RFX7: variants seen among roughly 807,000 people sequenced by gnomAD.
RFX7 encodes DNA-binding protein RFX7.
In RFX7, 26 loss-of-function variants were observed where a neutral mutation model predicts 111.8. That is an observed-to-expected ratio of 0.23 (90% CI 0.17 to 0.32). The LOEUF is 0.32. Among genes scored for constraint, RFX7 ranks in the 10% least tolerant of loss-of-function variants. The probability of loss-of-function intolerance (pLI) is 1.00; values close to 1 mark genes in which losing one functional copy is unlikely to be tolerated. For synonymous variants in RFX7, 624 were observed against 624.4 expected (o/e 1.00, Z 0.01); for missense variants, 1,573 against 1,772.9 (o/e 0.89, Z 2.02).
intron 3 of RFX7, among the ~76,000 whole-genome samples, chr15:56,167,270 G>A (rs1439253049): frequency 6.6e-6 from 1 of 152,100 alleles, no homozygotes; most frequent in Admixed American, 6.6e-5. Flanking sequence ...CTATGATCAT[G>A]GCACTGCACT....
Position 56,199,207 on chromosome 15 carries a change from G to A in RFX7, c.162-19904C>T, listed in dbSNP as rs1352907595. Among the ~76,000 whole-genome samples, 3 of 152,156 alleles carry A rather than the reference G, an allele frequency of 2.0e-5. No homozygotes were observed. In the East Asian group the frequency reaches 5.8e-4, roughly 29 times the overall value. On this transcript the variant is annotated intron_variant, in intron 2 of 9. Coordinates refer to ENST00000559447, the MANE Select transcript of RFX7 (RefSeq NM_022841.7). ...AACCACTATAACCAGTCTACTGAGT[G>A]ACTGTTAATCAGTATTTACTTAAGT...
chr15:56,167,317 A>G (rs1157180041), intron 3 of RFX7, among the ~76,000 whole-genome samples: 1 of 151,586 alleles, frequency 6.6e-6, no homozygotes, highest in East Asian at 1.9e-4. Flanking sequence ...TGTCTCAAGG[A>G]AAAAAAAAGT....
intron 2 of RFX7, among the ~76,000 whole-genome samples, chr15:56,218,669 C>G (rs967033419): frequency 6.6e-6 from 1 of 152,078 alleles, no homozygotes; most frequent in African/African-American, 2.4e-5. Flanking sequence ...GCATGTGTAG[C>G]GAGCAACAAA....
rs2043741077 is a variant in RFX7, at chr15:56,243,457, G to A, written c.-15C>T. The A allele has an allele frequency of 3.0e-6, 3 of 984,826 alleles. No individual in the cohort carries two copies. In the South Asian group the frequency reaches 1.4e-4, roughly 46 times the overall value. The allele number at this position is 984,826 out of a possible 1,614,324, so 61.0% of individuals were successfully genotyped here. A position where few individuals can be genotyped will look rare whatever the true frequency, so the allele number is the denominator to read the frequency against. On this transcript the variant is annotated 5_prime_UTR_variant, in exon 1 of 10. Coordinates refer to ENST00000559447, the MANE Select transcript of RFX7 (RefSeq NM_022841.7). ...GCTAGGCCTTTACCCCAGGGCTCGAGTGAGTCGCTTTCGCCTGCCGCCTGG... is the reference window on the plus strand; with the variant it reads ...GCTAGGCCTTTACCCCAGGGCTCGAATGAGTCGCTTTCGCCTGCCGCCTGG...
intron 5 of RFX7, among the ~76,000 whole-genome samples, chr15:56,134,564 C>G (rs1294074550): frequency 6.7e-6 from 1 of 150,012 alleles, no homozygotes; most frequent in African/African-American, 2.5e-5. Flanking sequence ...CTACTACTGC[C>G]TTTTTAAATT....
chr15:56,196,469 T>C lies in RFX7; in HGVS notation c.162-17166A>G, dbSNP rs182190515. ...CTTTTTTTTAAAAAAATTTACTTAA[T>C]AGGCATTAGAAGTTTATCTATTTTG... On this transcript the variant is annotated intron_variant, in intron 2 of 9. Coordinates refer to ENST00000559447, the MANE Select transcript of RFX7 (RefSeq NM_022841.7). Among the ~76,000 whole-genome samples the C allele has an allele frequency of 2.1e-3, 326 of 152,264 alleles. 2 individuals are homozygous for C. The highest frequency in any genetic ancestry group is 6.9e-3 in the African/African-American group (286 of 41,520).
At position 56,154,338 on chromosome 15, in the gene RFX7, G is replaced by A. The variant is rs142376861; in HGVS notation, c.196-9855C>T. Among the ~76,000 whole-genome samples the A allele has an allele frequency of 2.2e-4, 33 of 152,066 alleles. No homozygotes were observed. The East Asian group carries it at 6.0e-3, about 28-fold the overall frequency. Reference sequence around the variant, plus strand: ...CGCATAGCCAAGACAATCCGGGGCAGGAAAAACAAAGCTGGAGGCATCATG... The same window carrying A: ...CGCATAGCCAAGACAATCCGGGGCAAGAAAAACAAAGCTGGAGGCATCATG... On this transcript the variant is annotated intron_variant, in intron 3 of 9. Coordinates refer to ENST00000559447, the MANE Select transcript of RFX7 (RefSeq NM_022841.7).
At chr15:56,164,053 G>A (rs935882721) in intron 3 of RFX7, among the ~76,000 whole-genome samples, 2 of 152,332 alleles carry the variant, frequency 1.3e-5, no homozygotes, top group Admixed American at 6.5e-5. Flanking sequence ...ATTAAAGAGT[G>A]CATGTCATGT....
At chr15:56,201,748 T>C (rs1405159924) in intron 2 of RFX7, among the ~76,000 whole-genome samples, 1 of 152,070 alleles carries the variant, frequency 6.6e-6, no homozygotes, top group African/African-American at 2.4e-5. Flanking sequence ...TAAAAAACAC[T>C]GGCCGGGCGT....
intron 2 of RFX7, among the ~76,000 whole-genome samples, chr15:56,207,350 T>C (rs1284245969): frequency 6.6e-6 from 1 of 152,160 alleles, no homozygotes; most frequent in African/African-American, 2.4e-5. Context: ...TGTGGATGGC[T>C]AGTGTTGATG....
rs571456764 is a variant in RFX7, at chr15:56,243,785, A to ACGC, written c.-346_-344dup. On this transcript the variant is annotated 5_prime_UTR_variant, in exon 1 of 10. Coordinates refer to ENST00000559447, the MANE Select transcript of RFX7 (RefSeq NM_022841.7). ...CAGGCACCGCTCCACGCCACTCCCC[A>ACGC]CGCCGCCGCCGCCGCCGCCGCTCGC... Among the ~76,000 whole-genome samples, 159 of 147,472 alleles carry ACGC rather than the reference A, an allele frequency of 1.1e-3. 1 individual carries two copies. The highest frequency in any genetic ancestry group is 7.4e-3 in the South Asian group (35 of 4,734).
intron 2 of RFX7, among the ~76,000 whole-genome samples, chr15:56,219,563 C>T (rs1019779460): frequency 3.3e-5 from 5 of 152,088 alleles, no homozygotes; most frequent in South Asian, 2.1e-4. Flanking sequence ...CTCTTCTTTG[C>T]GTCCATGTGT....
chr15:56,108,553 AAAT>A (rs2041862301), intron 5 of RFX7, among the ~76,000 whole-genome samples: 1 of 144,882 alleles, frequency 6.9e-6, no homozygotes, highest in East Asian at 1.9e-4. Flanking sequence ...ACATATCTCA[AAAT>A]AATAAGAGTT....
intron 2 of RFX7, among the ~76,000 whole-genome samples, chr15:56,215,901 G>T (rs2043358814): frequency 6.6e-6 from 1 of 152,046 alleles, no homozygotes; most frequent in African/African-American, 2.4e-5. Flanking sequence ...TTCCAAGATG[G>T]ATCACTCACA....
At chr15:56,109,530 C>T (rs1461974288) in intron 5 of RFX7, among the ~76,000 whole-genome samples, 4 of 152,118 alleles carry the variant, frequency 2.6e-5, no homozygotes, top group Admixed American at 2.6e-4. Flanking sequence ...TGAGGAGCCC[C>T]TCTGCCTGGC....
intron 8 of RFX7, 136 bp downstream of exon 8, chr15:56,101,223 G>A: frequency 1.5e-6 from 1 of 675,136 alleles, no homozygotes; most frequent in Non-Finnish European, 2.5e-6. Flanking sequence ...TCTGAATTTA[G>A]TGTTAAGCGG....
rs749099991 is a variant in RFX7 at position 56,095,068 on chromosome 15, A to G, written c.2660T>C (p.Ile887Thr). The G allele has an allele frequency of 6.2e-7, 1 of 1,613,966 alleles. No individual in the cohort carries two copies. The highest frequency in any genetic ancestry group is 8.5e-7 in the Non-Finnish European group (1 of 1,179,874). ...CTCCATAAGCACCAGCTCTTCCACA[A>G]TACTATCTTGTGTAAGTTCATCATC... ...PFDDELTQDS[I>T]VEELVLMEQQ... The change falls in exon 10 of 10, where the codon ATT becomes ACT. Residue 887 changes from isoleucine to threonine, a missense_variant. Transcript: ENST00000559447.
intron 3 of RFX7, among the ~76,000 whole-genome samples, chr15:56,173,201 T>C (rs754022144): frequency 6.6e-6 from 1 of 151,960 alleles, no homozygotes; most frequent in Non-Finnish European, 1.5e-5. Flanking sequence ...TTGGAATCTA[T>C]AGCTGAAAAC....
intron 5 of RFX7, among the ~76,000 whole-genome samples, chr15:56,120,379 C>T (rs555536158): frequency 4.7e-4 from 71 of 152,208 alleles, no homozygotes; most frequent in Non-Finnish European, 9.6e-4. Flanking sequence ...TTTATCCATT[C>T]TAATAGTTTT....
Sources: gnomAD v4.1 joint callset for allele counts (sites outside exome capture counted in the v4.1 genomes callset) on GRCh38, gnomAD v4.1.1 for gene constraint, MANE v1.5 for transcripts, NCBI Gene and HGNC (gene_info 2026-07-23, HGNC 2026-07-21) for gene names.